GABRB1: variants seen among roughly 807,000 people sequenced by gnomAD.
GABRB1 encodes gamma-aminobutyric acid type A receptor subunit beta1, also known as gamma-aminobutyric acid receptor subunit beta-1.
Under a neutral mutation model 51.6 loss-of-function variants are expected in GABRB1, and 17 were observed. The ratio of observed to expected loss-of-function variants is 0.33; its 90% CI spans 0.23 to 0.49. The LOEUF (loss-of-function observed/expected upper bound fraction) is 0.49, where lower values mean the gene tolerates loss of function less well. Ranked by LOEUF, GABRB1 falls within the 20% of genes least tolerant of loss-of-function variation. The pLI is 0.99. For synonymous variants in GABRB1, 247 were observed against 218.9 expected (o/e 1.13, Z -1.14); for missense variants, 410 against 600.6 (o/e 0.68, Z 3.32).
intron 4 of GABRB1, among the ~76,000 whole-genome samples, chr4:47,167,278 G>A (rs1008870575): frequency 6.6e-6 from 1 of 151,976 alleles, no homozygotes; most frequent in Admixed American, 6.6e-5. Flanking sequence ...CCAGATGGTT[G>A]CATACACTTA....
chr4:47,093,160 C>T (rs1714192981), intron 3 of GABRB1, among the ~76,000 whole-genome samples: 1 of 152,116 alleles, frequency 6.6e-6, no homozygotes, highest in Non-Finnish European at 1.5e-5. Flanking sequence ...CTGAAGAATA[C>T]TTTCTTTTTC....
chr4:47,238,889 T>G (rs1721424392), intron 4 of GABRB1, among the ~76,000 whole-genome samples: 1 of 152,200 alleles, frequency 6.6e-6, no homozygotes, highest in Admixed American at 6.5e-5. Flanking sequence ...GCTAGAAACA[T>G]GAGCTAAAGG....
upstream of GABRB1, among the ~76,000 whole-genome samples, chr4:47,029,755 A>G (rs1217026705): frequency 6.6e-6 from 1 of 151,900 alleles, no homozygotes; most frequent in Non-Finnish European, 1.5e-5. Flanking sequence ...TTTTTCCCTT[A>G]TGGATAATAA....
chr4:47,190,941 T>C (rs1003436682), intron 4 of GABRB1, among the ~76,000 whole-genome samples: 11 of 152,202 alleles, frequency 7.2e-5, no homozygotes, highest in African/African-American at 2.7e-4. Context: ...CAGATCTAAC[T>C]TGTACATGTA....
intron 3 of GABRB1, among the ~76,000 whole-genome samples, chr4:47,118,012 C>G (rs979100540): frequency 6.6e-6 from 1 of 152,106 alleles, no homozygotes; most frequent in Non-Finnish European, 1.5e-5. Flanking sequence ...ATATTCAGCA[C>G]CCAAAATAGA....
rs1251186829 is a variant in GABRB1, at chr4:47,320,290, G to A, written c.544+81G>A. On this transcript the variant is annotated intron_variant, in intron 5 of 8. Transcript: ENST00000295454. ...ATTCAACTTCTCACTGAGTTAATTA[G>A]CACCAGGATTTTCTAGCTGCGCTTG... 7 of 902,064 alleles carry A rather than the reference G, an allele frequency of 7.8e-6. No individual in the cohort carries two copies. The African/African-American group carries it at 9.9e-5, about 13-fold the overall frequency. The allele number at this position is 902,064 out of a possible 1,614,324, so 55.9% of individuals were successfully genotyped here. A position where few individuals can be genotyped will look rare whatever the true frequency, so the allele number is the denominator to read the frequency against.
At position 47,032,427 on chromosome 4, in the gene GABRB1, C is replaced by G. The variant is rs1023351838; in HGVS notation, c.183C>G (p.Val61=). 3 of 1,590,236 alleles carry G rather than the reference C, an allele frequency of 1.9e-6. No homozygotes were observed. The highest frequency in any genetic ancestry group is 2.7e-5 in the African/African-American group (2 of 74,494). Residue 61 remains valine (V), a synonymous_variant, in exon 3 of 9, where the codon GTC becomes GTG. Coordinates refer to ENST00000295454, the MANE Select transcript of GABRB1 (RefSeq NM_000812.4). ...RLRPDFGGPP[V]DVGMRIDVAS... The stretch of plus-strand genomic sequence containing the variant: ...CCACCTCCCCGGCAGGGCCCCCCGT[C>G]GACGTTGGGATGCGGATCGATGTCG...
intron 3 of GABRB1, among the ~76,000 whole-genome samples, chr4:47,137,868 A>G (rs1716738312): frequency 6.6e-6 from 1 of 152,150 alleles, no homozygotes; most frequent in South Asian, 2.1e-4. Context: ...CCCATCCAAT[A>G]TATGTATATA....
At chr4:47,221,011 G>A (rs999099341) in intron 4 of GABRB1, among the ~76,000 whole-genome samples, 4 of 152,098 alleles carry the variant, frequency 2.6e-5, no homozygotes, top group South Asian at 4.1e-4. Flanking sequence ...TGTAACAATT[G>A]CACTAGGCGT....
At chr4:47,119,695 G>A (rs1169592643) in intron 3 of GABRB1, among the ~76,000 whole-genome samples, 2 of 152,000 alleles carry the variant, frequency 1.3e-5, no homozygotes, top group African/African-American at 2.4e-5. Flanking sequence ...TTTTAGCAGA[G>A]ACAAGGTTTC....
chr4:47,321,591 AG>A (rs33961477), intron 5 of GABRB1, among the ~76,000 whole-genome samples: 93,399 of 152,026 alleles, frequency 0.61, 28,811 homozygotes, highest in East Asian at 0.7. Flanking sequence ...TTCAAATCAT[AG>A]GAATGAACTA....
intron 3 of GABRB1, among the ~76,000 whole-genome samples, chr4:47,071,856 T>C (rs1302750881): frequency 6.6e-6 from 1 of 152,088 alleles, no homozygotes; most frequent in African/African-American, 2.4e-5. Flanking sequence ...ATAATACATA[T>C]GTAACCTATT....
At chr4:47,291,390 C>T (rs1723724299) in intron 4 of GABRB1, among the ~76,000 whole-genome samples, 1 of 152,206 alleles carries the variant, frequency 6.6e-6, no homozygotes, top group South Asian at 2.1e-4. Context: ...CATGGAGAAC[C>T]TCTGCTAGGG....
At chr4:47,178,731 CTTTT>C (rs894046411) in intron 4 of GABRB1, among the ~76,000 whole-genome samples, 2 of 152,020 alleles carry the variant, frequency 1.3e-5, no homozygotes, top group African/African-American at 4.8e-5. Context: ...TTCTTTCTTT[CTTTT>C]ATCTAGAAAT....
chr4:47,211,416 A>G (rs912596508), intron 4 of GABRB1, among the ~76,000 whole-genome samples: 15 of 152,168 alleles, frequency 9.9e-5, no homozygotes, highest in African/African-American at 3.4e-4. Context: ...TATAATACTC[A>G]CTTTAAAAAT....
rs188358893 is a variant in GABRB1, at chr4:47,022,140, A to C, written c.-19-9774A>C. ...CAGCACTGTACTTAAAAATTGGAGA[A>C]TATTTTATTTTACTGGTTTATTTGC... On this transcript the variant is annotated intron_variant, in intron 1 of 3. Transcript: ENST00000513567. Among the ~76,000 whole-genome samples the C allele has an allele frequency of 1.3e-3, 204 of 152,142 alleles. 1 individual carries two copies. Among genetic ancestry groups the C allele is most frequent in the Non-Finnish European group, 2.5e-3 (171 of 67,942 alleles).
intron 5 of GABRB1, among the ~76,000 whole-genome samples, chr4:47,327,843 G>A (rs184938480): frequency 1.9e-3 from 289 of 152,192 alleles, no homozygotes; most frequent in African/African-American, 6.7e-3. Flanking sequence ...AAATATCTGG[G>A]TCAAATGGTA....
intron 5 of GABRB1, among the ~76,000 whole-genome samples, chr4:47,347,146 G>A (rs558835263): frequency 1.3e-5 from 2 of 152,154 alleles, no homozygotes; most frequent in South Asian, 4.2e-4. Flanking sequence ...GCCAGGTGTG[G>A]TGGAGCTCGA....
At chr4:47,053,476 G>C (rs573646681) in intron 3 of GABRB1, among the ~76,000 whole-genome samples, 1 of 152,178 alleles carries the variant, frequency 6.6e-6, no homozygotes. Context: ...AATCTCATTC[G>C]TGAATACTCT....
Sources: gnomAD v4.1 joint callset for allele counts (sites outside exome capture counted in the v4.1 genomes callset) on GRCh38, gnomAD v4.1.1 for gene constraint, MANE v1.5 for transcripts, NCBI Gene and HGNC (gene_info 2026-07-23, HGNC 2026-07-21) for gene names.